The following GPR158 variants were observed in gnomAD, a reference collection of about 807,000 sequenced individuals.
GPR158 encodes metabotropic glycine receptor.
In GPR158, 30 loss-of-function variants were observed where a neutral mutation model predicts 78.2. The ratio of observed to expected loss-of-function variants is 0.38; its 90% CI spans 0.29 to 0.52. The LOEUF is 0.52. Among genes scored for constraint, GPR158 ranks in the 20% least tolerant of loss-of-function variants. The pLI is 0.83. For missense variants in GPR158, 1,463 were observed against 1,523.5 expected, an observed-to-expected ratio of 0.96 and a Z score of 0.66; for synonymous variants, 581 against 591.1, an observed-to-expected ratio of 0.98 and a Z score of 0.25.
chr10:25,523,779 T>TGATTTATAGAA (rs1472842011), intron 5 of GPR158, among the ~76,000 whole-genome samples: 20 of 152,168 alleles, frequency 1.3e-4, no homozygotes, highest in Admixed American at 1.3e-3. Context: ...TGATTTATAC[T>TGATTTATAGAA]GTTACAACTT....
chr10:25,396,368 G>A (rs2130529474), intron 3 of GPR158, among the ~76,000 whole-genome samples: 1 of 152,252 alleles, frequency 6.6e-6, no homozygotes, highest in African/African-American at 2.4e-5. Context: ...GTGTTTATAT[G>A]TTTTTAATGC....
At chr10:25,178,544 GT>G (rs1852571940) in intron 1 of GPR158, among the ~76,000 whole-genome samples, 1 of 152,166 alleles carries the variant, frequency 6.6e-6, no homozygotes, top group African/African-American at 2.4e-5. Flanking sequence ...GACACTCCCT[GT>G]TTTTTCACTC....
Position 25,395,581 on chromosome 10 carries a change from G to A in GPR158, c.1009-330G>A, listed in dbSNP as rs139309442. On this transcript the variant is annotated intron_variant, in intron 2 of 10. Transcript: ENST00000376351. ...GAATCACTTTTGAAATACTCTTATA[G>A]GCTTTGGAACAATTTCTTAAAGCAA... is the stretch of plus-strand genomic sequence containing the variant. 2.6e-3 allele frequency among the ~76,000 whole-genome samples: 391 copies of A among 152,138 alleles called. 2 individuals are homozygous for A. Among genetic ancestry groups the A allele is most frequent in the African/African-American group, 8.8e-3 (365 of 41,520 alleles).
intron 2 of GPR158, among the ~76,000 whole-genome samples, chr10:25,329,953 G>T (rs921459266): frequency 1.1e-4 from 16 of 151,424 alleles, no homozygotes; most frequent in African/African-American, 3.9e-4. Flanking sequence ...AACACTAGAA[G>T]TTGTTAGTAA....
chr10:25,545,041 C>T (rs1192907560), intron 5 of GPR158, among the ~76,000 whole-genome samples: 3 of 152,184 alleles, frequency 2.0e-5, no homozygotes, highest in Non-Finnish European at 4.4e-5. Context: ...ATGAACTCAT[C>T]CTTTTTATGG....
At chr10:25,380,124 T>C (rs971513157) in intron 2 of GPR158, among the ~76,000 whole-genome samples, 2 of 152,174 alleles carry the variant, frequency 1.3e-5, no homozygotes, top group African/African-American at 4.8e-5. Context: ...GCACCTACTA[T>C]GTGTCATGCT....
In GPR158 at chr10:25,365,102, G is replaced by T. The variant is rs1855699424; in HGVS notation, c.1009-30809G>T. ...TTCCTATTTTGGAAAACATTATTTT[G>T]GTAGTTTAATAGTTAACTAAGGACA... On this transcript the variant is annotated intron_variant, in intron 2 of 10. Transcript: ENST00000376351. Among the ~76,000 whole-genome samples the T allele has an allele frequency of 4.6e-5, 7 of 151,598 alleles. No individual in the cohort carries two copies. The South Asian group carries it at 1.5e-3, about 31-fold the overall frequency.
chr10:25,231,847 G>C (rs1853452377), intron 2 of GPR158, among the ~76,000 whole-genome samples: 1 of 152,122 alleles, frequency 6.6e-6, no homozygotes, highest in Non-Finnish European at 1.5e-5. Flanking sequence ...ATATGTTATG[G>C]ACTCTAACCC....
chr10:25,190,192 G>A (rs1027146995), intron 1 of GPR158, among the ~76,000 whole-genome samples: 3 of 152,008 alleles, frequency 2.0e-5, no homozygotes, highest in East Asian at 1.9e-4. Context: ...AGGAATATTA[G>A]TACCTTACAA....
In GPR158 at chr10:25,598,561, C is replaced by G. The variant is rs376559311; in HGVS notation, c.2935C>G (p.Gln979Glu). ...TCAGAAATCTGGGATTATGAAACAA[C>G]AAAGGGTCAACCCCACCACTGCCAA... ...KPQKSGIMKQ[Q>E]RVNPTTANSD... The change falls in exon 11 of 11, where the codon CAA (glutamine) becomes GAA (glutamate). Residue 979 changes from glutamine (Q) to glutamate (E), a missense_variant. Physicochemically the swap from Gln to Glu is conservative, Grantham distance 29. Transcript: ENST00000376351. 1 of 1,613,736 alleles carries G rather than the reference C, an allele frequency of 6.2e-7. No individual in the cohort carries two copies. Among genetic ancestry groups the G allele is most frequent in the Admixed American group, 1.7e-5 (1 of 59,970 alleles).
At chr10:25,542,249 A>G (rs11014598) in intron 5 of GPR158, among the ~76,000 whole-genome samples, 11,028 of 152,156 alleles carry the variant, frequency 0.072, 895 homozygotes, top group East Asian at 0.47. Context: ...ACTGAAGCAA[A>G]TAACACTTGG....
chr10:25,376,102 A>T (rs1834075528), intron 2 of GPR158, among the ~76,000 whole-genome samples: 1 of 151,552 alleles, frequency 6.6e-6, no homozygotes, highest in Non-Finnish European at 1.5e-5. Flanking sequence ...ACACTATTAG[A>T]TTTATACCTA....
chr10:25,367,775 T>C (rs770266705), intron 2 of GPR158, among the ~76,000 whole-genome samples: 6 of 151,818 alleles, frequency 4.0e-5, no homozygotes, highest in Non-Finnish European at 8.8e-5. Context: ...TTTCTTCAGA[T>C]GTCCCTTTTA....
At chr10:25,526,492 G>A (rs1467679895) in intron 5 of GPR158, among the ~76,000 whole-genome samples, 3 of 152,168 alleles carry the variant, frequency 2.0e-5, no homozygotes, top group African/African-American at 7.2e-5. Flanking sequence ...GGAGGCGGAT[G>A]TACTCATCTG....
intron 5 of GPR158, among the ~76,000 whole-genome samples, chr10:25,515,973 T>C (rs1184399203): frequency 6.6e-6 from 1 of 151,088 alleles, no homozygotes; most frequent in East Asian, 1.9e-4. Context: ...TGAACTAGTT[T>C]ACAGTCCCAC....
intron 2 of GPR158, among the ~76,000 whole-genome samples, chr10:25,235,426 CTTTT>C (rs148749730): frequency 7.3e-6 from 1 of 137,848 alleles, no homozygotes; most frequent in Admixed American, 7.3e-5. Flanking sequence ...TCTCTTCTTC[CTTTT>C]TTTTTTTTTT....
At chr10:25,218,209 C>T (rs575302108) in intron 1 of GPR158, among the ~76,000 whole-genome samples, 1 of 152,186 alleles carries the variant, frequency 6.6e-6, no homozygotes, top group South Asian at 2.1e-4. Context: ...GGCGCCCAGG[C>T]TTAGGCTGTA....
At position 25,410,188 on chromosome 10, in the gene GPR158, C is replaced by G. The variant is rs572505059; in HGVS notation, c.1112-2062C>G. 5.3e-4 allele frequency among the ~76,000 whole-genome samples: 80 copies of G among 152,160 alleles called. 2 individuals are homozygous for G. Among genetic ancestry groups the G allele is most frequent in the Non-Finnish European group, 2.2e-4 (15 of 68,022 alleles). ...GCAGGTTCTCTCTGTAACACCCACTCTATATCTCAGTTCTGTCTTCTAACT... is the reference window on the plus strand; with the variant it reads ...GCAGGTTCTCTCTGTAACACCCACTGTATATCTCAGTTCTGTCTTCTAACT... On this transcript the variant is annotated intron_variant, in intron 3 of 10. Coordinates refer to ENST00000376351, the MANE Select transcript of GPR158 (RefSeq NM_020752.3).
At chr10:25,444,284 A>G (rs1588867169) in intron 4 of GPR158, among the ~76,000 whole-genome samples, 1 of 135,714 alleles carries the variant, frequency 7.4e-6, no homozygotes, top group African/African-American at 2.9e-5. Context: ...TATATATGTG[A>G]GTGGGGGTGA....
Sources: allele counts gnomAD v4.1 joint callset (sites outside exome capture counted in the v4.1 genomes callset), GRCh38; gene constraint gnomAD v4.1.1; transcripts MANE v1.5; gene names NCBI Gene and HGNC (gene_info 2026-07-23, HGNC 2026-07-21).